The following CAMSAP1 variants were observed in gnomAD, a reference collection of about 807,000 sequenced individuals.
The protein encoded by CAMSAP1 is calmodulin regulated spectrin associated protein 1, also known as calmodulin-regulated spectrin-associated protein 1.
Under a neutral mutation model 143.5 loss-of-function variants are expected in CAMSAP1, and 58 were observed. The observed-to-expected ratio is 0.40, with a 90% CI of 0.33 to 0.50. The LOEUF (loss-of-function observed/expected upper bound fraction) is 0.50. CAMSAP1 is among the 20% of genes least tolerant of loss of function. The pLI is 0.45. For missense variants in CAMSAP1, 1,969 were observed against 2,115.7 expected, an observed-to-expected ratio of 0.93 and a Z score of 1.36; for synonymous variants, 945 against 859.3, an observed-to-expected ratio of 1.10 and a Z score of -1.74.
rs752679087 is a variant in CAMSAP1, at chr9:135,817,957, G to C, written c.4271+20C>G. On this transcript the variant is annotated intron_variant, in intron 14 of 16. Transcript: ENST00000389532. Reference sequence around the variant, plus strand: ...GAACGTCCTCCAGCCCCGTGCCGGCGGCCGTCTCAGGCCCCTTACCGCTGA... The same window carrying C: ...GAACGTCCTCCAGCCCCGTGCCGGCCGCCGTCTCAGGCCCCTTACCGCTGA... 69 of 1,610,256 alleles carry C rather than the reference G, an allele frequency of 4.3e-5. No individual in the cohort carries two copies. Among genetic ancestry groups the C allele is most frequent in the Admixed American group, 2.0e-4 (12 of 59,942 alleles).
At position 135,822,586 on chromosome 9, in the gene CAMSAP1, G is replaced by A. The variant is rs537706375; in HGVS notation, c.2075C>T (p.Pro692Leu). The A allele has an allele frequency of 2.0e-5, 33 of 1,613,516 alleles. No homozygotes were observed. In the South Asian group the frequency reaches 3.4e-4, roughly 17 times the overall value. ...PLALGGFDPF[P>L]QGPSTDGFFL... ...GAAGCCATCCGTGGATGGTCCCTGG[G>A]GGAACGGATCGAATCCGCCAAGGGC... Residue 692 changes from proline to leucine, a missense_variant, in exon 11 of 17, where the codon CCC (proline) becomes CTC (leucine). Coordinates refer to ENST00000389532, the MANE Select transcript of CAMSAP1 (RefSeq NM_015447.4). The surrounding 1 kb of genome is among the most constrained non-coding windows in gnomAD (Gnocchi z 6.1).
chr9:135,818,166 C>A lies in CAMSAP1; in HGVS notation c.4169-87G>T. 1 of 1,401,248 alleles carries A rather than the reference C, an allele frequency of 7.1e-7. No homozygotes were observed. The highest frequency in any genetic ancestry group is 9.9e-7 in the Non-Finnish European group (1 of 1,013,176). The allele number at this position is 1,401,248 out of a possible 1,614,324, so 86.8% of individuals were successfully genotyped here. A position where few individuals can be genotyped will look rare whatever the true frequency, so the allele number is the denominator to read the frequency against. On this transcript the variant is annotated intron_variant, in intron 13 of 16. Coordinates refer to ENST00000389532, the MANE Select transcript of CAMSAP1 (RefSeq NM_015447.4). This position sits in a 1 kb window ranked among gnomAD's most constrained non-coding sequence, Gnocchi z 7.7. ...CCTGTACCTGTTCCCCTCACCTCGC[C>A]CTGCAGAGCTCGGCCACACAGGCCG...
rs905050287 is a variant in CAMSAP1 at position 135,882,305 on chromosome 9, C to T, written c.423+511G>A. On this transcript the variant is annotated intron_variant, in intron 2 of 16. Transcript: ENST00000389532. The surrounding 1 kb of genome is among the most constrained non-coding windows in gnomAD (Gnocchi z 4.9). ...CACCGCACGGCACCCGCAGTCTCAC[C>T]GGGAACGCCATGGGAGCAACCAAAC... Among the ~76,000 whole-genome samples, 3 of 152,064 alleles carry T rather than the reference C, an allele frequency of 2.0e-5. No individual in the cohort carries two copies. The highest frequency in any genetic ancestry group is 7.2e-5 in the African/African-American group (3 of 41,406).
Position 135,822,696 on chromosome 9 carries a change from G to A in CAMSAP1, c.1965C>T (p.Cys655=). Residue 655 remains cysteine, a synonymous_variant, in exon 11 of 17, where the codon TGC becomes TGT. Transcript: ENST00000389532. The surrounding 1 kb of genome is among the most constrained non-coding windows in gnomAD (Gnocchi z 6.1). Reference sequence around the variant, plus strand: ...GGTCGATGCCCATGGGGAATTCTGAGCATGGAATCGGGGTAAAAGTCCTAT... The same window carrying A: ...GGTCGATGCCCATGGGGAATTCTGAACATGGAATCGGGGTAAAAGTCCTAT... ...DLNRTFTPIP[C]SEFPMGIDPT... The A allele has an allele frequency of 6.2e-7, 1 of 1,610,480 alleles. No homozygotes were observed. The highest frequency in any genetic ancestry group is 1.1e-5 in the South Asian group (1 of 90,922).
intron 16 of CAMSAP1, among the ~76,000 whole-genome samples, chr9:135,812,378 C>T (rs1835081823): frequency 6.6e-6 from 1 of 152,110 alleles, no homozygotes; most frequent in Admixed American, 6.5e-5. Flanking sequence ...TGAGAAACCT[C>T]AGAGCATCAC....
intron 16 of CAMSAP1, among the ~76,000 whole-genome samples, chr9:135,814,410 C>G (rs1303036082): frequency 6.6e-6 from 1 of 152,222 alleles, no homozygotes; most frequent in Admixed American, 6.5e-5. Context: ...AGGCCAGCAA[C>G]TTAAGGCCAC....
intron 16 of CAMSAP1, among the ~76,000 whole-genome samples, chr9:135,814,043 G>A (rs1416245063): frequency 1.3e-5 from 2 of 152,172 alleles, no homozygotes; most frequent in Admixed American, 6.5e-5. Context: ...TGAGGGCCAC[G>A]AGTCCTTCCA....
chr9:135,906,594 G>A (rs999013444), intron 1 of CAMSAP1, among the ~76,000 whole-genome samples: 1 of 152,220 alleles, frequency 6.6e-6, no homozygotes, highest in African/African-American at 2.4e-5. Flanking sequence ...TGCAAGGCTC[G>A]GAATCACAGG....
intron 5 of CAMSAP1, among the ~76,000 whole-genome samples, chr9:135,861,238 T>C (rs1478411930): frequency 2.6e-5 from 4 of 151,790 alleles, no homozygotes; most frequent in East Asian, 3.9e-4. Flanking sequence ...GGCACCTACC[T>C]GTCCTCCACT....
At chr9:135,904,101 C>T (rs369213491) in intron 1 of CAMSAP1, among the ~76,000 whole-genome samples, 3 of 152,326 alleles carry the variant, frequency 2.0e-5, no homozygotes, top group Middle Eastern at 3.4e-3. Flanking sequence ...AGTGCGGTGC[C>T]TCATGCCTGT....
chr9:135,846,447 T>C (rs1386594897), intron 7 of CAMSAP1, among the ~76,000 whole-genome samples: 2 of 152,116 alleles, frequency 1.3e-5, no homozygotes, highest in Admixed American at 6.5e-5. Context: ...ACCTAGGCAG[T>C]ACCATTCAGG....
At position 135,823,233 on chromosome 9, in the gene CAMSAP1, A is replaced by G. The variant is rs753266370; in HGVS notation, c.1428T>C (p.Ala476=). 4.5e-6 allele frequency: 7 copies of G among 1,560,942 alleles called. No homozygotes were observed. The highest frequency in any genetic ancestry group is 3.6e-5 in the Admixed American group (2 of 54,916). ...CTTCACAACTCGCAGCGTGATGTAG[A>G]GCAAAAGGTGTTGGCTGGGACGCAG... The part of the protein sequence containing the change: ...TRPASQPTPF[A]LHHAASCEVD... Residue 476 remains alanine, a synonymous_variant, in exon 11 of 17, where the codon GCT becomes GCC. Transcript: ENST00000389532.
intron 1 of CAMSAP1, among the ~76,000 whole-genome samples, chr9:135,904,121 A>G (rs1838695603): frequency 6.6e-6 from 1 of 152,214 alleles, no homozygotes; most frequent in Non-Finnish European, 1.5e-5. Context: ...TAATCCTAGC[A>G]CTTTGGGAGG....
At chr9:135,823,779 G>A (rs1192124479) in intron 10 of CAMSAP1, among the ~76,000 whole-genome samples, 171 bp downstream of exon 10, 1 of 152,138 alleles carries the variant, frequency 6.6e-6, no homozygotes, top group African/African-American at 2.4e-5. Context: ...GCAAGAGTGA[G>A]GCTGCAGAGA....
chr9:135,845,765 A>G (rs1588467845), intron 7 of CAMSAP1, among the ~76,000 whole-genome samples: 2 of 152,206 alleles, frequency 1.3e-5, no homozygotes, highest in Admixed American at 6.5e-5. Flanking sequence ...TCTCATTCAC[A>G]ACTGCTACAA....
At chr9:135,889,922 G>C (rs767868665) in intron 1 of CAMSAP1, among the ~76,000 whole-genome samples, 1 of 152,190 alleles carries the variant, frequency 6.6e-6, no homozygotes, top group Non-Finnish European at 1.5e-5. Context: ...CTGAGCTCAC[G>C]AAGAAATCTC....
intron 3 of CAMSAP1, among the ~76,000 whole-genome samples, chr9:135,877,753 G>C (rs1485084229): frequency 6.6e-6 from 1 of 152,134 alleles, no homozygotes; most frequent in African/African-American, 2.4e-5. Context: ...TCAGGCTGCA[G>C]TGAGCCGCAA....
In CAMSAP1 at chr9:135,827,119, G is replaced by A. The variant is rs113546192; in HGVS notation, c.1223+288C>T. On this transcript the variant is annotated intron_variant, in intron 8 of 16. Coordinates refer to ENST00000389532, the MANE Select transcript of CAMSAP1 (RefSeq NM_015447.4). ...AATTCAACTTTCTAATCTTTAGATCGTTTCTTAAACAGTGTAACACATGGT... is the reference window on the plus strand; with the variant it reads ...AATTCAACTTTCTAATCTTTAGATCATTTCTTAAACAGTGTAACACATGGT... Among the ~76,000 whole-genome samples, 259 of 152,158 alleles carry A rather than the reference G, an allele frequency of 1.7e-3. 1 individual carries two copies. Among genetic ancestry groups the A allele is most frequent in the Middle Eastern group, 0.01 (3 of 294 alleles).
intron 7 of CAMSAP1, among the ~76,000 whole-genome samples, chr9:135,847,263 G>A (rs1489367359): frequency 6.6e-6 from 1 of 152,110 alleles, no homozygotes; most frequent in Non-Finnish European, 1.5e-5. Flanking sequence ...GCTGAGGCAG[G>A]AGAATGGTGT....
Sources: gnomAD v4.1 joint callset for allele counts (sites outside exome capture counted in the v4.1 genomes callset) on GRCh38, gnomAD v4.1.1 for gene constraint, Gnocchi (gnomAD v3.1) non-coding constraint, MANE v1.5 for transcripts, NCBI Gene and HGNC (gene_info 2026-07-23, HGNC 2026-07-21) for gene names.